Variants in NSUN4 observed in about 807,000 individuals in gnomAD.
The protein encoded by NSUN4 is NOP2/Sun RNA methyltransferase 4.
A neutral mutation model predicts 43.8 loss-of-function variants in NSUN4; 31 were observed. The ratio of observed to expected loss-of-function variants is 0.71; its 90% confidence interval spans 0.53 to 0.96. NSUN4 has a LOEUF of 0.96. NSUN4 is among the 40% of genes least tolerant of loss of function. The probability of loss-of-function intolerance (pLI) is 0.00; values close to 1 mark genes in which losing one functional copy is unlikely to be tolerated. For missense variants in NSUN4, 439 were observed against 475.6 expected (o/e 0.92, Z 0.72); for synonymous variants, 167 against 184.1 (o/e 0.91, Z 0.75).
At chr1:46,353,632 C>T (rs28699008) in intron 4 of NSUN4, among the ~76,000 whole-genome samples, 34,067 of 151,916 alleles carry the variant, frequency 0.22, 4,283 homozygotes, top group Non-Finnish European at 0.29. Context: ...CCCACCACCA[C>T]GCCCGGCTAA....
chr1:46,372,436 C>T, the NSUN4 span, among the ~76,000 whole-genome samples: 12 of 152,086 alleles, frequency 7.9e-5, no homozygotes, highest in African/African-American at 1.2e-4. Context: ...AGCCACTGCA[C>T]CTGGCCGCCT....
Position 46,346,921 on chromosome 1 carries a change from A to G in NSUN4, c.438A>G (p.Arg146=), listed in dbSNP as rs1438829788. The G allele has an allele frequency of 1.9e-6, 3 of 1,612,632 alleles. No homozygotes were observed. Among genetic ancestry groups the G allele is most frequent in the Non-Finnish European group, 2.5e-6 (3 of 1,179,456 alleles). Residue 146 remains arginine, a splice_region_variant and synonymous_variant, in exon 3 of 6, where the codon AGA becomes AGG. Transcript: ENST00000474844. ...RGDISRFPPA[R]PGSLGVMEYY... Reference sequence around the variant, plus strand: ...AATAAAGTGGTCTCCTCTTTTCCAGACCTGGCAGCCTGGGTGTCATGGAGT... The same window carrying G: ...AATAAAGTGGTCTCCTCTTTTCCAGGCCTGGCAGCCTGGGTGTCATGGAGT...
chr1:46,376,712 A>ATGTG, the NSUN4 span, among the ~76,000 whole-genome samples: 304 of 148,388 alleles, frequency 2.0e-3, 1 homozygote, highest in African/African-American at 6.7e-3. Context: ...TTTAGAGAGC[A>ATGTG]TGTGTGTGTG....
At chr1:46,372,159 G>A in the NSUN4 span, among the ~76,000 whole-genome samples, 1 of 69,904 alleles carries the variant, frequency 1.4e-5, no homozygotes, top group Admixed American at 1.5e-4. Flanking sequence ...TTTTTTTTTT[G>A]AGATGGAGTC....
intron 3 of NSUN4, among the ~76,000 whole-genome samples, chr1:46,348,966 C>T (rs903259084): frequency 7.3e-5 from 11 of 151,684 alleles, no homozygotes; most frequent in African/African-American, 2.7e-4. Context: ...AGGCACCCAC[C>T]ACCACACCCG....
At chr1:46,380,601 G>T in the NSUN4 span, among the ~76,000 whole-genome samples, 1 of 152,226 alleles carries the variant, frequency 6.6e-6, no homozygotes, top group Non-Finnish European at 1.5e-5. Flanking sequence ...ATGAGGTGCT[G>T]TTCCAAGCTC....
At chr1:46,342,996 G>A (rs17357635) in intron 1 of NSUN4, 94,647 of 399,408 alleles carry the variant, frequency 0.24, 12,721 homozygotes, top group Non-Finnish European at 0.29. Flanking sequence ...GGTCCCTAGA[G>A]CTCTCAAAAG....
downstream of NSUN4, among the ~76,000 whole-genome samples, chr1:46,368,369 T>C (rs1664182803): frequency 6.6e-6 from 1 of 152,160 alleles, no homozygotes; most frequent in African/African-American, 2.4e-5. Context: ...GCTGATCTTA[T>C]GATTTGTTTT....
chr1:46,348,832 T>TTTTTTGGG (rs71062755), intron 3 of NSUN4, among the ~76,000 whole-genome samples: 1 of 125,638 alleles, frequency 8.0e-6, no homozygotes, highest in African/African-American at 3.5e-5. Context: ...TTTTTTTTTT[T>TTTTTTGGG]GAGAAGAAGT....
At chr1:46,373,758 TCTC>T in the NSUN4 span, among the ~76,000 whole-genome samples, 3 of 152,202 alleles carry the variant, frequency 2.0e-5, no homozygotes, top group South Asian at 2.1e-4. Flanking sequence ...TATGACCTAA[TCTC>T]CTCTTCAAGG....
Position 46,362,075 on chromosome 1 carries a change from G to A in NSUN4, c.*229G>A. 1.8e-6 allele frequency: 1 copy of A among 565,316 alleles called. No homozygotes were observed. The highest frequency in any genetic ancestry group is 2.2e-5 in the South Asian group (1 of 46,346). 35.0% of individuals were successfully genotyped at this position (565,316 alleles called of 1,614,324 possible). A position where few individuals can be genotyped will look rare whatever the true frequency, so the allele number is the denominator to read the frequency against. On this transcript the variant is annotated 3_prime_UTR_variant, in exon 6 of 6. Transcript: ENST00000474844. ...TCATTAACCCCTACCCCATCTCCAG[G>A]CCTGTACTAAAGTTTGCTGCCCGCT...
intron 3 of NSUN4, among the ~76,000 whole-genome samples, chr1:46,351,188 A>C (rs531448436): frequency 1.4e-3 from 218 of 152,176 alleles, no homozygotes; most frequent in Non-Finnish European, 2.6e-3. Context: ...CAACATGGAG[A>C]AACCCCGTCT....
chr1:46,370,545 T>C, the NSUN4 span: 1 of 62,264 alleles, frequency 1.6e-5, no homozygotes, highest in Non-Finnish European at 3.2e-5. Flanking sequence ...AGGTGCTGTC[T>C]TTTTTTTTTT....
rs1282632162 is a variant in NSUN4 at position 46,351,212 on chromosome 1, A to G, written c.593-1656A>G. Among the ~76,000 whole-genome samples, 5 of 152,116 alleles carry G rather than the reference A, an allele frequency of 3.3e-5. No homozygotes were observed. In the East Asian group the frequency reaches 5.8e-4, roughly 18 times the overall value. ...GAAACCCCGTCTCTACTAAAAATAC[A>G]AAATTTGCCGGCGTGGTGGCGCATG... On this transcript the variant is annotated intron_variant, in intron 3 of 5. Transcript: ENST00000474844.
intron 1 of NSUN4, chr1:46,341,958 C>T: frequency 8.1e-7 from 1 of 1,232,980 alleles, no homozygotes; most frequent in Non-Finnish European, 1.0e-6. Flanking sequence ...TCCCCTTGCT[C>T]ATCAGTCCCC....
chr1:46,376,096 T>TAAA, the NSUN4 span, among the ~76,000 whole-genome samples: 523 of 40,886 alleles, frequency 0.013, 85 homozygotes, highest in African/African-American at 0.038. Flanking sequence ...AGAGCGAAAC[T>TAAA]AAAAAAAAAA....
chr1:46,347,859 C>CTTTTTTTTTTTTTTTTTTTTT (rs112974748), intron 3 of NSUN4, among the ~76,000 whole-genome samples: 1 of 143,156 alleles, frequency 7.0e-6, no homozygotes, highest in Non-Finnish European at 1.5e-5. Context: ...TTTTGACTTT[C>CTTTTTTTTTTTTTTTTTTTTT]TTTTTTTTTT....
the NSUN4 span, among the ~76,000 whole-genome samples, chr1:46,376,096 TAAAAAAAAAA>T: frequency 3.2e-4 from 13 of 40,892 alleles, no homozygotes; most frequent in East Asian, 6.6e-3. Flanking sequence ...AGAGCGAAAC[TAAAAAAAAAA>T]AAAAAAAAAA....
intron 4 of NSUN4, among the ~76,000 whole-genome samples, chr1:46,356,254 A>G (rs1663358846): frequency 6.6e-6 from 1 of 152,068 alleles, no homozygotes; most frequent in South Asian, 2.1e-4. Flanking sequence ...AACTTTTTGT[A>G]GAGATGAGGT....
Sources: allele counts gnomAD v4.1 joint callset (sites outside exome capture counted in the v4.1 genomes callset), GRCh38; gene constraint gnomAD v4.1.1; transcripts MANE v1.5; gene names NCBI Gene and HGNC (gene_info 2026-07-23, HGNC 2026-07-21).